The following DPH5 variants were observed in gnomAD, a reference collection of about 807,000 sequenced individuals.
The protein encoded by DPH5 is diphthamide biosynthesis 5, also known as diphthine methyl ester synthase.
In DPH5, 31 loss-of-function variants were observed where a neutral mutation model predicts 31.6. The observed-to-expected ratio is 0.98, with a 90% CI of 0.74 to 1.32. DPH5 has a LOEUF of 1.32. Among genes scored for constraint, DPH5 ranks in the 40% most tolerant of loss-of-function variants. DPH5 has a pLI of 0.00. For missense variants in DPH5, 309 were observed against 335.7 expected (o/e 0.92, Z 0.62); for synonymous variants, 120 against 115.0 (o/e 1.04, Z -0.28).
In DPH5 at chr1:101,025,479, G is replaced by A. The variant is rs763535068; in HGVS notation, c.-23-13C>T. ...AGGAGAAGAGAGACTGCAAGACGAAGTGGACAGAAAAACCGTCAGTAACAC... is the reference window on the plus strand; with the variant it reads ...AGGAGAAGAGAGACTGCAAGACGAAATGGACAGAAAAACCGTCAGTAACAC... On this transcript the variant is annotated splice_polypyrimidine_tract_variant and intron_variant, in intron 1 of 7. Coordinates refer to ENST00000370109, the MANE Select transcript of DPH5 (RefSeq NM_015958.3). 1 of 1,611,562 alleles carries A rather than the reference G, an allele frequency of 6.2e-7. No individual in the cohort carries two copies. The highest frequency in any genetic ancestry group is 8.5e-7 in the Non-Finnish European group (1 of 1,179,526).
intron 2 of DPH5, 86 bp from the exon 3 acceptor site, chr1:101,021,851 C>A (rs1660477712): frequency 7.6e-7 from 1 of 1,312,474 alleles, no homozygotes; most frequent in Non-Finnish European, 1.1e-6. Flanking sequence ...CACACACACA[C>A]ACACACACTC....
At chr1:101,000,851 A>G (rs1658809019) in intron 5 of DPH5, among the ~76,000 whole-genome samples, 1 of 152,244 alleles carries the variant, frequency 6.6e-6, no homozygotes, top group Admixed American at 6.5e-5. Flanking sequence ...AAACAAAGAC[A>G]GTGATCCCAG....
At chr1:101,006,274 T>G (rs1282153308) in intron 4 of DPH5, among the ~76,000 whole-genome samples, 1 of 152,036 alleles carries the variant, frequency 6.6e-6, no homozygotes, top group Admixed American at 6.5e-5. Context: ...ACATTCTATA[T>G]AGGATGGGGA....
At chr1:101,020,237 C>T (rs752300627) in intron 3 of DPH5, among the ~76,000 whole-genome samples, 5 of 152,134 alleles carry the variant, frequency 3.3e-5, no homozygotes, top group African/African-American at 9.7e-5. Flanking sequence ...CCAGACCCAG[C>T]GCAAGTTCCA....
intron 4 of DPH5, among the ~76,000 whole-genome samples, chr1:101,004,028 C>G (rs1024482170): frequency 5.9e-5 from 9 of 152,076 alleles, no homozygotes; most frequent in Admixed American, 4.6e-4. Context: ...AAGAAAGTGA[C>G]AGACCACTTA....
chr1:100,995,113 AT>A lies in DPH5; in HGVS notation c.526del (p.Ile176SerfsTer13). ...KVKEQSLENLIKGRKIYEPPR... is the reference protein window; with the variant it reads ...KVKEQSLENLXKGRKIYEPPR... ...CATTCTCAGAATAATAACTTACTTG[AT>A]TAGATTTTCCAAAGACTGCTCCTTT... is the stretch of plus-strand genomic sequence containing the variant. On this transcript the variant is annotated frameshift_variant, in exon 6 of 8. Coordinates refer to ENST00000370109, the MANE Select transcript of DPH5 (RefSeq NM_015958.3). LOFTEE classifies it high-confidence loss of function. The A allele has an allele frequency of 6.4e-7, 1 of 1,574,000 alleles. No homozygotes were observed. The highest frequency in any genetic ancestry group is 8.7e-7 in the Non-Finnish European group (1 of 1,144,742).
chr1:100,991,799 A>AAAAAAAAAAAAG (rs1276029078), intron 7 of DPH5, among the ~76,000 whole-genome samples: 31 of 151,532 alleles, frequency 2.0e-4, no homozygotes, highest in South Asian at 6.3e-4. Context: ...AAAAAAAAAA[A>AAAAAAAAAAAAG]AAAAGTCTCA....
chr1:101,014,974 T>C (rs1659969641), intron 3 of DPH5, among the ~76,000 whole-genome samples: 1 of 152,214 alleles, frequency 6.6e-6, no homozygotes, highest in South Asian at 2.1e-4. Flanking sequence ...CTAATTCTAG[T>C]TCTCTTGGTA....
rs765110401 is a variant in DPH5 at position 101,013,829 on chromosome 1, A to G, written c.261-11T>C. Reference sequence around the variant, plus strand: ...CTGTGTGTTGTGGCCCTGTAGTGAGAAAAGATTAGATTGGATTAAAGCAAA... The same window carrying G: ...CTGTGTGTTGTGGCCCTGTAGTGAGGAAAGATTAGATTGGATTAAAGCAAA... On this transcript the variant is annotated splice_polypyrimidine_tract_variant and intron_variant, in intron 3 of 7. Coordinates refer to ENST00000370109, the MANE Select transcript of DPH5 (RefSeq NM_015958.3). 25 of 1,591,264 alleles carry G rather than the reference A, an allele frequency of 1.6e-5. No individual in the cohort carries two copies. Among genetic ancestry groups the G allele is most frequent in the Non-Finnish European group, 2.1e-5 (24 of 1,166,622 alleles).
rs941882007 is a variant in DPH5, at chr1:100,990,458, A to T, written c.808T>A (p.Phe270Ile). ...TCTGAGCTATTTTCTGGTATGGAAA[A>T]CAGACTTAGCATCTCCATCTCCATT... ...HPMEMEMLSL[F>I]SIPENSSESQ... is the part of the protein sequence containing the mutation. The change falls in exon 8 of 8, where the codon TTT becomes ATT. Residue 270 changes from phenylalanine to isoleucine, a missense_variant. Coordinates refer to ENST00000370109, the MANE Select transcript of DPH5 (RefSeq NM_015958.3). 6.2e-7 allele frequency: 1 copy of T among 1,614,148 alleles called. No individual in the cohort carries two copies. Among genetic ancestry groups the T allele is most frequent in the Non-Finnish European group, 8.5e-7 (1 of 1,180,016 alleles).
chr1:101,004,860 C>T (rs555461477), intron 4 of DPH5, among the ~76,000 whole-genome samples: 31 of 152,274 alleles, frequency 2.0e-4, no homozygotes, highest in Admixed American at 1.4e-3. Flanking sequence ...GTAACAGAGG[C>T]GGGAAGTCTT....
chr1:101,014,764 T>C (rs1272341294), intron 3 of DPH5, among the ~76,000 whole-genome samples: 27 of 152,234 alleles, frequency 1.8e-4, no homozygotes, highest in Non-Finnish European at 3.8e-4. Flanking sequence ...TCTCAAACCC[T>C]GCTAGTAATC....
chr1:101,021,569 G>A, intron 3 of DPH5, 72 bp downstream of exon 3: 2 of 1,478,538 alleles, frequency 1.4e-6, no homozygotes, highest in Non-Finnish European at 1.8e-6. Context: ...AGTGTTAAAT[G>A]CAATAGAATA....
chr1:101,012,419 C>T (rs1659763561), intron 4 of DPH5, among the ~76,000 whole-genome samples: 4 of 152,214 alleles, frequency 2.6e-5, no homozygotes, highest in Admixed American at 2.0e-4. Context: ...TGTACTCTCT[C>T]CCTTGGACAC....
At position 101,001,533 on chromosome 1, in the gene DPH5, G is replaced by T; in HGVS notation, c.424C>A (p.Pro142Thr). ...TTCACTTTGTCAAAGAAGCTTTCTG[G>T]TCTCCAAGTGTCTGTCCAAAAAACA... is the stretch of plus-strand genomic sequence containing the variant. ...SIVFWTDTWR[P>T]ESFFDKVKKN... The change falls in exon 5 of 8, where the codon CCA becomes ACA. Residue 142 changes from proline to threonine, a missense_variant. Physicochemically the swap from Pro to Thr is conservative, Grantham distance 38. Transcript: ENST00000370109. 1 of 1,610,356 alleles carries T rather than the reference G, an allele frequency of 6.2e-7. No homozygotes were observed. Among genetic ancestry groups the T allele is most frequent in the Non-Finnish European group, 8.5e-7 (1 of 1,176,916 alleles).
chr1:101,001,955 T>C (rs1463556157), intron 4 of DPH5, among the ~76,000 whole-genome samples: 2 of 152,154 alleles, frequency 1.3e-5, no homozygotes, highest in African/African-American at 4.8e-5. Flanking sequence ...AGGTTAATAT[T>C]GTTCTCATTT....
chr1:100,997,076 G>A lies in DPH5; in HGVS notation c.491-1927C>T, dbSNP rs569010357. 5.9e-5 allele frequency among the ~76,000 whole-genome samples: 9 copies of A among 152,208 alleles called. No homozygotes were observed. In the East Asian group the frequency reaches 1.2e-3, roughly 20 times the overall value. ...CTTTTCCCAGGAAAGCTAAGAAAAG[G>A]GGCAGCTCTTAGAAGGACAACTCAA... On this transcript the variant is annotated intron_variant, in intron 5 of 7. Coordinates refer to ENST00000370109, the MANE Select transcript of DPH5 (RefSeq NM_015958.3).
At chr1:100,997,029 T>C (rs1049858447) in intron 5 of DPH5, among the ~76,000 whole-genome samples, 1 of 152,218 alleles carries the variant, frequency 6.6e-6, no homozygotes, top group African/African-American at 2.4e-5. Context: ...GCAAGGAAGA[T>C]ACATTGTTTA....
chr1:101,025,075 T>C, intron 2 of DPH5: 1 of 508,886 alleles, frequency 2.0e-6, no homozygotes, highest in South Asian at 2.8e-5. Flanking sequence ...TCCTATTTAC[T>C]GGAGAAAGCC....
Sources: gnomAD v4.1 joint callset for allele counts (sites outside exome capture counted in the v4.1 genomes callset) on GRCh38, gnomAD v4.1.1 for gene constraint, MANE v1.5 for transcripts, NCBI Gene and HGNC (gene_info 2026-07-23, HGNC 2026-07-21) for gene names.